The following KLF12 variants were observed in gnomAD, a reference collection of about 807,000 sequenced individuals.
KLF12 encodes Krueppel-like factor 12.
Under a neutral mutation model 37.8 loss-of-function variants are expected in KLF12, and 9 were observed. The ratio of observed to expected loss-of-function variants is 0.24; its 90% confidence interval spans 0.14 to 0.42. The LOEUF is 0.42. Among genes scored for constraint, KLF12 ranks in the 10% least tolerant of loss-of-function variants. KLF12 has a pLI of 1.00. For synonymous variants in KLF12, 208 were observed against 202.1 expected, an observed-to-expected ratio of 1.03 and a Z score of -0.25; for missense variants, 411 against 516.0, an observed-to-expected ratio of 0.80 and a Z score of 1.97.
chr13:73,929,020 C>G lies in KLF12; in HGVS notation c.123+14961G>C, dbSNP rs374882564. Reference sequence around the variant, plus strand: ...AGTCAGATTCTTGCCTACCTTCATCCCTCATAACTCACACCATTTTGTGAC... The same window carrying G: ...AGTCAGATTCTTGCCTACCTTCATCGCTCATAACTCACACCATTTTGTGAC... On this transcript the variant is annotated intron_variant, in intron 3 of 7. Coordinates refer to ENST00000377669, the MANE Select transcript of KLF12 (RefSeq NM_007249.5). Among the ~76,000 whole-genome samples, 7 of 152,266 alleles carry G rather than the reference C, an allele frequency of 4.6e-5. No homozygotes were observed. In the South Asian group the frequency reaches 1.5e-3, roughly 32 times the overall value.
chr13:73,810,310 A>T (rs991257622), intron 5 of KLF12, among the ~76,000 whole-genome samples: 1 of 152,216 alleles, frequency 6.6e-6, no homozygotes, highest in African/African-American at 2.4e-5. Context: ...GTTTCTATTA[A>T]ACAGTTACAC....
chr13:73,758,770 C>A (rs1220279194), intron 6 of KLF12, among the ~76,000 whole-genome samples: 2 of 152,030 alleles, frequency 1.3e-5, no homozygotes, highest in Non-Finnish European at 2.9e-5. Flanking sequence ...TCCCTTATAT[C>A]ATCTTTACTG....
the KLF12 span, among the ~76,000 whole-genome samples, chr13:74,160,221 C>A: frequency 1.3e-5 from 2 of 152,036 alleles, no homozygotes; most frequent in Non-Finnish European, 2.9e-5. Flanking sequence ...CTTTAGTGTA[C>A]GACTGTGGTG....
At chr13:74,088,093 C>T (rs1196313025) in intron 1 of KLF12, among the ~76,000 whole-genome samples, 5 of 152,086 alleles carry the variant, frequency 3.3e-5, no homozygotes, top group African/African-American at 4.8e-5. Flanking sequence ...TCTCTTTCAG[C>T]ATCATGGGGC....
intron 1 of KLF12, among the ~76,000 whole-genome samples, chr13:74,009,100 G>A (rs992520645): frequency 2.6e-5 from 4 of 152,226 alleles, no homozygotes; most frequent in Admixed American, 6.5e-5. Context: ...CTGAAGGTGA[G>A]TAGAGAGGAT....
intron 1 of KLF12, among the ~76,000 whole-genome samples, chr13:74,073,290 G>C (rs1461397802): frequency 3.9e-5 from 6 of 151,974 alleles, no homozygotes; most frequent in African/African-American, 1.2e-4. Context: ...CTGATCACAT[G>C]ATTTTAAAAT....
At chr13:74,246,839 G>A in the KLF12 span, among the ~76,000 whole-genome samples, 1 of 152,194 alleles carries the variant, frequency 6.6e-6, no homozygotes, top group African/African-American at 2.4e-5. Flanking sequence ...CATCTGACTC[G>A]ATGCTAATGA....
intron 1 of KLF12, among the ~76,000 whole-genome samples, chr13:74,115,862 G>A (rs984214845): frequency 2.0e-5 from 3 of 152,124 alleles, no homozygotes; most frequent in African/African-American, 7.2e-5. Flanking sequence ...ACTTGTCACT[G>A]AATTTAGAGC....
chr13:74,017,890 G>T (rs1892740563), intron 1 of KLF12, among the ~76,000 whole-genome samples: 1 of 152,084 alleles, frequency 6.6e-6, no homozygotes. Flanking sequence ...CATTAGAGCA[G>T]ACAGTTCCAG....
the KLF12 span, among the ~76,000 whole-genome samples, chr13:74,237,672 G>C: frequency 6.6e-6 from 1 of 151,462 alleles, no homozygotes; most frequent in Non-Finnish European, 1.5e-5. Context: ...CTTGTAAGTT[G>C]GATTCCTAGG....
At chr13:73,975,451 T>C (rs2138138880) in intron 2 of KLF12, among the ~76,000 whole-genome samples, 1 of 152,238 alleles carries the variant, frequency 6.6e-6, no homozygotes, top group East Asian at 1.9e-4. Context: ...ATGCTCCAAA[T>C]CTACTCATTT....
At chr13:73,873,502 A>C (rs1055203169) in intron 3 of KLF12, among the ~76,000 whole-genome samples, 8 of 152,300 alleles carry the variant, frequency 5.3e-5, no homozygotes, top group Admixed American at 4.6e-4. Flanking sequence ...CAACTTAGAT[A>C]GTAATGCTCT....
At chr13:73,940,896 G>A (rs184592137) in intron 3 of KLF12, among the ~76,000 whole-genome samples, 67 of 152,292 alleles carry the variant, frequency 4.4e-4, no homozygotes, top group Admixed American at 2.0e-3. Context: ...TGAATTCCTT[G>A]GAGGGGTGGG....
chr13:73,865,199 A>G (rs1886113173), intron 3 of KLF12, among the ~76,000 whole-genome samples: 1 of 152,178 alleles, frequency 6.6e-6, no homozygotes, highest in African/African-American at 2.4e-5. Flanking sequence ...CTCAGTAGTG[A>G]GCTGTATACA....
At chr13:73,719,530 T>C (rs1317973667) in intron 6 of KLF12, among the ~76,000 whole-genome samples, 1 of 152,148 alleles carries the variant, frequency 6.6e-6, no homozygotes, top group Non-Finnish European at 1.5e-5. Context: ...GGTTAATTCT[T>C]ACCAGGATAC....
chr13:73,863,518 T>G (rs920529455), intron 3 of KLF12, among the ~76,000 whole-genome samples: 1 of 152,168 alleles, frequency 6.6e-6, no homozygotes, highest in African/African-American at 2.4e-5. Flanking sequence ...TGACACAAAA[T>G]AGTTAAAATT....
intron 3 of KLF12, among the ~76,000 whole-genome samples, chr13:73,876,677 T>C (rs1886720933): frequency 6.6e-6 from 1 of 152,136 alleles, no homozygotes; most frequent in Non-Finnish European, 1.5e-5. Flanking sequence ...TTTGTCCTTT[T>C]TGTTTAATTT....
rs371543518 is a variant in KLF12 at position 73,686,227 on chromosome 13, C to T, written c.*9263G>A. The T allele has an allele frequency of 2.6e-5, 4 of 152,718 alleles. No homozygotes were observed. The East Asian group carries it at 7.7e-4, about 29-fold the overall frequency. The allele number at this position is 152,718 out of a possible 1,614,324, so 9.5% of individuals were successfully genotyped here. On this transcript the variant is annotated 3_prime_UTR_variant, in exon 8 of 8. Transcript: ENST00000377669. The stretch of plus-strand genomic sequence containing the variant: ...GAAAGTTGAATACAGAAAAGCAATG[C>T]ACCAACAGAATATGTCTGAGACACC...
At chr13:74,139,125 A>T in the KLF12 span, among the ~76,000 whole-genome samples, 27 of 152,272 alleles carry the variant, frequency 1.8e-4, no homozygotes, top group African/African-American at 6.5e-4. Context: ...TTTTCCCCAC[A>T]TTGAAAGATT....
Sources: gnomAD v4.1 joint callset for allele counts (sites outside exome capture counted in the v4.1 genomes callset) on GRCh38, gnomAD v4.1.1 for gene constraint, MANE v1.5 for transcripts, NCBI Gene and HGNC (gene_info 2026-07-23, HGNC 2026-07-21) for gene names.